Variants in ADGRL2 observed in about 807,000 individuals in gnomAD.
ADGRL2 encodes the protein adhesion G protein-coupled receptor L2.
Under a neutral mutation model 157.4 loss-of-function variants are expected in ADGRL2, and 44 were observed. The observed-to-expected ratio is 0.28, with a 90% CI of 0.22 to 0.36. ADGRL2 has a LOEUF of 0.36. Among genes scored for constraint, ADGRL2 ranks in the 10% least tolerant of loss-of-function variants. The pLI, the probability that ADGRL2 is intolerant of heterozygous loss-of-function variation, is 1.00. For synonymous variants in ADGRL2, 585 were observed against 624.7 expected (o/e 0.94, Z 0.95); for missense variants, 1,510 against 1,768.9 (o/e 0.85, Z 2.63).
chr1:81,781,635 T>C (rs150253575), intron 2 of ADGRL2, among the ~76,000 whole-genome samples: 24 of 152,286 alleles, frequency 1.6e-4, no homozygotes, highest in Admixed American at 1.0e-3. Flanking sequence ...AGATATCACA[T>C]ACACACCTGC....
intron 3 of ADGRL2, among the ~76,000 whole-genome samples, chr1:81,931,801 T>C (rs1013171935): frequency 6.6e-6 from 1 of 152,042 alleles, no homozygotes; most frequent in African/African-American, 2.4e-5. Context: ...CTGGCTAATT[T>C]TTTTAAACTT....
In ADGRL2 at chr1:81,990,578, C is replaced by G; in HGVS notation, c.3843C>G (p.Asn1281Lys). ...KMIISELVHN[N>K]LRGSSKTHNL... ...TCATTTCAGAATTAGTGCACAACAA[C>G]TTACGGGGCAGCAGCAAGACTCACA... The change falls in exon 24 of 24, where the codon AAC becomes AAG. Residue 1281 changes from asparagine to lysine, a missense_variant. This residue lies in a region of ADGRL2 where 327 missense variants were observed against 310.1 expected (regional missense o/e 1.05). Transcript: ENST00000686636. 6.2e-7 allele frequency: 1 copy of G among 1,614,154 alleles called. No homozygotes were observed. The highest frequency in any genetic ancestry group is 8.5e-7 in the Non-Finnish European group (1 of 1,180,030).
At chr1:81,871,343 A>G (rs1236088659) in intron 2 of ADGRL2, among the ~76,000 whole-genome samples, 2 of 152,100 alleles carry the variant, frequency 1.3e-5, no homozygotes, top group African/African-American at 4.8e-5. Context: ...ATTGATGGAC[A>G]TTTGGGTTGG....
At position 81,950,385 on chromosome 1, in the gene ADGRL2, A is replaced by T. The variant is rs749302414; in HGVS notation, c.1407A>T (p.Pro469=). 6.2e-7 allele frequency: 1 copy of T among 1,614,088 alleles called. No homozygotes were observed. The highest frequency in any genetic ancestry group is 8.5e-7 in the Non-Finnish European group (1 of 1,179,956). Residue 469 remains proline (P), a synonymous_variant, in exon 7 of 24, where the codon CCA becomes CCT. Coordinates refer to ENST00000686636, the MANE Select transcript of ADGRL2 (RefSeq NM_001366006.2). ...CTATAACAAATATTTTTCCCCTGCC[A>T]GAGAGATTCTGTGAAGCATTAGACT... ...IPPITNIFPL[P]ERFCEALDSK...
rs530146368 is a variant in ADGRL2 at position 81,885,598 on chromosome 1, A to G, written c.74-21419A>G. Among the ~76,000 whole-genome samples the G allele has an allele frequency of 3.9e-5, 6 of 152,316 alleles. No homozygotes were observed. The East Asian group carries it at 7.7e-4, about 20-fold the overall frequency. ...TTCAGTCAAGCTGAGTGCATGTTAC[A>G]TGATTGCCTGAGAGGAACAGAAAAG... On this transcript the variant is annotated intron_variant, in intron 2 of 23. Transcript: ENST00000686636.
intron 1 of ADGRL2, among the ~76,000 whole-genome samples, chr1:81,721,045 T>C (rs2149123899): frequency 6.6e-6 from 1 of 150,968 alleles, no homozygotes; most frequent in South Asian, 2.1e-4. Flanking sequence ...TTTTTTTTTT[T>C]TTTTTTAATA....
chr1:81,887,980 T>C (rs1233912379), intron 2 of ADGRL2, among the ~76,000 whole-genome samples: 1 of 152,130 alleles, frequency 6.6e-6, no homozygotes, highest in Non-Finnish European at 1.5e-5. Context: ...TCTGGATACT[T>C]TGGCTGTGGC....
intron 3 of ADGRL2, among the ~76,000 whole-genome samples, chr1:81,599,719 G>A (rs912260091): frequency 1.3e-5 from 2 of 152,126 alleles, no homozygotes; most frequent in African/African-American, 4.8e-5. Context: ...GTCCTATGAA[G>A]CAGCTAAGTA....
At chr1:81,680,930 C>G (rs889431300) in intron 3 of ADGRL2, among the ~76,000 whole-genome samples, 4 of 152,114 alleles carry the variant, frequency 2.6e-5, no homozygotes, top group African/African-American at 9.7e-5. Flanking sequence ...GATCCTCCAT[C>G]CCCCAATGGC....
chr1:81,843,816 A>G (rs1478915369), intron 2 of ADGRL2, among the ~76,000 whole-genome samples: 1 of 152,216 alleles, frequency 6.6e-6, no homozygotes, highest in African/African-American at 2.4e-5. Context: ...GCCATGTTTC[A>G]TAAATGAAGA....
chr1:81,787,954 C>A (rs1330557306), intron 2 of ADGRL2, among the ~76,000 whole-genome samples: 1 of 151,888 alleles, frequency 6.6e-6, no homozygotes, highest in African/African-American at 2.4e-5. Flanking sequence ...TATTGAGCAC[C>A]AGAGCTCAAA....
intron 2 of ADGRL2, among the ~76,000 whole-genome samples, chr1:81,511,212 T>C (rs2079068994): frequency 6.6e-6 from 1 of 151,806 alleles, no homozygotes; most frequent in African/African-American, 2.4e-5. Flanking sequence ...CTAAAACCGG[T>C]ACCTTGGAGG....
chr1:81,490,016 G>A (rs948468362), intron 2 of ADGRL2, among the ~76,000 whole-genome samples: 12 of 114,950 alleles, frequency 1.0e-4, no homozygotes, highest in African/African-American at 2.2e-4. Context: ...GCCATATGAA[G>A]AAATATCTCA....
chr1:81,509,683 C>G (rs1472176081), intron 2 of ADGRL2, among the ~76,000 whole-genome samples: 1 of 152,124 alleles, frequency 6.6e-6, no homozygotes, highest in African/African-American at 2.4e-5. Context: ...GTAACAAAGC[C>G]CTGTTTTCCA....
At chr1:81,969,522 T>TA (rs1469673006) in intron 15 of ADGRL2, 135 bp downstream of exon 15, 7 of 606,090 alleles carry the variant, frequency 1.2e-5, no homozygotes, top group Non-Finnish European at 2.0e-5. Flanking sequence ...GAAAGACAAT[T>TA]TGTAGTAAAT....
intron 2 of ADGRL2, among the ~76,000 whole-genome samples, chr1:81,552,591 T>A (rs2080173838): frequency 8.2e-6 from 1 of 121,524 alleles, no homozygotes; most frequent in African/African-American, 3.2e-5. Flanking sequence ...GTAGAGTATA[T>A]GAAACTTTAC....
chr1:81,438,241 C>T (rs78648162), intron 1 of ADGRL2, among the ~76,000 whole-genome samples: 5,254 of 152,198 alleles, frequency 0.035, 100 homozygotes, highest in Middle Eastern at 0.065. Flanking sequence ...CCAGCTTATA[C>T]CTGCTCAGGA....
intron 3 of ADGRL2, among the ~76,000 whole-genome samples, chr1:81,632,690 C>T (rs1409771684): frequency 2.0e-5 from 3 of 150,870 alleles, no homozygotes; most frequent in Admixed American, 6.6e-5. Flanking sequence ...ACCCGGGAGG[C>T]GGAGCTCGCA....
At chr1:81,769,534 T>A (rs536758644) in intron 2 of ADGRL2, among the ~76,000 whole-genome samples, 1 of 152,102 alleles carries the variant, frequency 6.6e-6, no homozygotes, top group Admixed American at 6.5e-5. Context: ...TGTTTTATTC[T>A]ACTGGTCAAT....
Sources: allele counts gnomAD v4.1 joint callset (sites outside exome capture counted in the v4.1 genomes callset), GRCh38; gene constraint gnomAD v4.1.1; regional missense constraint gnomAD v4.1.1; transcripts MANE v1.5; gene names NCBI Gene and HGNC (gene_info 2026-07-23, HGNC 2026-07-21).